The following DAB1 variants were observed in gnomAD, a reference collection of about 807,000 sequenced individuals.
The protein encoded by DAB1 is DAB adaptor protein 1.
DAB1 carries 15 observed loss-of-function variants against 64.6 expected under a neutral mutation model. The observed-to-expected ratio is 0.23, with a 90% confidence interval of 0.16 to 0.36. DAB1 has a LOEUF of 0.36. DAB1 is among the 10% of genes least tolerant of loss of function. The pLI is 1.00. For missense variants in DAB1, 596 were observed against 706.7 expected (o/e 0.84, Z 1.78); for synonymous variants, 235 against 251.9 (o/e 0.93, Z 0.64).
chr1:58,414,498 C>T (rs76031517), intron 3 of DAB1, among the ~76,000 whole-genome samples: 5,095 of 152,302 alleles, frequency 0.033, 106 homozygotes, highest in African/African-American at 0.063. Flanking sequence ...TTTATTTCTC[C>T]ATTCCCAATG....
At chr1:57,903,026 G>T (rs1177058983) in intron 5 of DAB1, among the ~76,000 whole-genome samples, 1 of 152,076 alleles carries the variant, frequency 6.6e-6, no homozygotes, top group Non-Finnish European at 1.5e-5. Flanking sequence ...CTTCCATGTT[G>T]GCAGGCAGGA....
intron 6 of DAB1, among the ~76,000 whole-genome samples, chr1:57,790,001 A>G (rs1650518779): frequency 6.6e-6 from 1 of 152,170 alleles, no homozygotes; most frequent in Non-Finnish European, 1.5e-5. Context: ...ATTTGGATAT[A>G]TGGCTAACAG....
chr1:57,728,932 T>C (rs1313547671), intron 6 of DAB1, among the ~76,000 whole-genome samples: 1 of 151,306 alleles, frequency 6.6e-6, no homozygotes, highest in Non-Finnish European at 1.5e-5. Context: ...GCCCTGTCAA[T>C]GTTATTAGCC....
intron 1 of DAB1, among the ~76,000 whole-genome samples, chr1:57,343,478 G>A (rs968137835): frequency 2.5e-4 from 38 of 152,222 alleles, no homozygotes; most frequent in African/African-American, 8.7e-4. Flanking sequence ...GTGGTCGATG[G>A]GACTAGGCGC....
chr1:58,296,093 CAAA>C (rs796336928), intron 4 of DAB1, among the ~76,000 whole-genome samples: 1 of 14,628 alleles, frequency 6.8e-5, no homozygotes, highest in Non-Finnish European at 1.8e-4. Flanking sequence ...GACTCTGTCT[CAAA>C]AAAAAAAAAA....
At chr1:57,300,629 T>C (rs1407632785) in intron 1 of DAB1, among the ~76,000 whole-genome samples, 3 of 152,060 alleles carry the variant, frequency 2.0e-5, no homozygotes, top group African/African-American at 7.2e-5. Context: ...TAGGCCAGAA[T>C]GCAATGGGCC....
chr1:58,181,323 C>T (rs12040992), intron 4 of DAB1, among the ~76,000 whole-genome samples: 2,256 of 152,052 alleles, frequency 0.015, 56 homozygotes, highest in South Asian at 0.099. Context: ...TACTTTTCAA[C>T]GTATTTGACT....
intron 5 of DAB1, among the ~76,000 whole-genome samples, chr1:58,041,172 A>G (rs925396739): frequency 2.0e-5 from 3 of 152,206 alleles, no homozygotes; most frequent in African/African-American, 4.8e-5. Context: ...AAGTCTTCCT[A>G]TTGAGCAGAC....
intron 4 of DAB1, among the ~76,000 whole-genome samples, chr1:58,265,804 G>C (rs1489331232): frequency 6.6e-6 from 1 of 152,268 alleles, no homozygotes; most frequent in East Asian, 1.9e-4. Flanking sequence ...TTTCAACACA[G>C]ATTGTGATCC....
At chr1:57,468,370 G>C (rs546954553) in intron 7 of DAB1, among the ~76,000 whole-genome samples, 1 of 152,148 alleles carries the variant, frequency 6.6e-6, no homozygotes, top group Admixed American at 6.5e-5. Context: ...GACGGAGTAA[G>C]GTTTGTTGGA....
intron 5 of DAB1, among the ~76,000 whole-genome samples, chr1:58,003,481 C>T (rs373303848): frequency 2.0e-5 from 3 of 152,304 alleles, no homozygotes; most frequent in Admixed American, 6.5e-5. Flanking sequence ...ATACAATTCC[C>T]TGCATTCTTC....
At chr1:58,056,551 A>C (rs531738707) in intron 5 of DAB1, 2 of 839,912 alleles carry the variant, frequency 2.4e-6, no homozygotes, top group African/African-American at 3.3e-5. Context: ...GCTCATCACA[A>C]CCTAACTCCC....
intron 5 of DAB1, among the ~76,000 whole-genome samples, chr1:57,906,662 A>T (rs571492656): frequency 1.6e-4 from 25 of 152,258 alleles, no homozygotes; most frequent in Admixed American, 1.5e-3. Flanking sequence ...TATTACAGTA[A>T]TTATATTGAT....
At chr1:57,953,823 A>T (rs948262136) in intron 5 of DAB1, among the ~76,000 whole-genome samples, 2 of 152,138 alleles carry the variant, frequency 1.3e-5, no homozygotes, top group African/African-American at 4.8e-5. Context: ...ATAAGGCCAC[A>T]TCCGCTGTCT....
At chr1:57,423,775 G>A (rs1395831527) in intron 1 of DAB1, among the ~76,000 whole-genome samples, 155 bp downstream of exon 1, 1 of 152,114 alleles carries the variant, frequency 6.6e-6, no homozygotes, top group Non-Finnish European at 1.5e-5. Context: ...CATCCTCCCA[G>A]CACCCCTAGC....
At chr1:58,404,829 C>T (rs886928051) in intron 3 of DAB1, among the ~76,000 whole-genome samples, 4 of 152,200 alleles carry the variant, frequency 2.6e-5, no homozygotes, top group Non-Finnish European at 4.4e-5. Flanking sequence ...AGGAAACAGT[C>T]ATGTCCAGGG....
chr1:58,478,271 G>C lies in DAB1; in HGVS notation n.257+27789C>G, dbSNP rs549220127. Among the ~76,000 whole-genome samples, 51 of 152,212 alleles carry C rather than the reference G, an allele frequency of 3.4e-4. 1 individual carries two copies. Among genetic ancestry groups the C allele is most frequent in the Admixed American group, 3.1e-3 (47 of 15,290 alleles). ...CCTCTTACCCTTCCGCCATGATTGT[G>C]AGATTCCTGAAGCCTCCCCAGCCAT... is the stretch of plus-strand genomic sequence containing the variant. On this transcript the variant is annotated intron_variant and non_coding_transcript_variant, in intron 3 of 20. Transcript: ENST00000485760.
chr1:58,371,218 T>C (rs1280396014), intron 3 of DAB1, among the ~76,000 whole-genome samples: 2 of 152,124 alleles, frequency 1.3e-5, no homozygotes, highest in African/African-American at 4.8e-5. Flanking sequence ...AGGAACTTAT[T>C]GGGAATTGGA....
chr1:58,377,101 A>G (rs1356426780), intron 3 of DAB1, among the ~76,000 whole-genome samples: 3 of 143,588 alleles, frequency 2.1e-5, no homozygotes, highest in Admixed American at 7.1e-5. Flanking sequence ...TTTCCTGAAT[A>G]CAGCACACTG....
Sources: allele counts gnomAD v4.1 joint callset (sites outside exome capture counted in the v4.1 genomes callset), GRCh38; gene constraint gnomAD v4.1.1; transcripts MANE v1.5; gene names NCBI Gene and HGNC (gene_info 2026-07-23, HGNC 2026-07-21).